The following TBC1D9B variants were observed in gnomAD, a reference collection of about 807,000 sequenced individuals.
TBC1D9B encodes TBC1 domain family member 9B.
In TBC1D9B, 87 loss-of-function variants were observed where a neutral mutation model predicts 121.1. That is an observed-to-expected ratio of 0.72 (90% CI 0.60 to 0.86). The LOEUF (loss-of-function observed/expected upper bound fraction) is 0.86. Ranked by LOEUF, TBC1D9B falls within the 40% of genes least tolerant of loss-of-function variation. The pLI is 0.00. For missense variants in TBC1D9B, 1,540 were observed against 1,628.6 expected, an observed-to-expected ratio of 0.95 and a Z score of 0.94; for synonymous variants, 668 against 670.1, an observed-to-expected ratio of 1.00 and a Z score of 0.05.
chr5:179,882,505 T>C lies in TBC1D9B; in HGVS notation c.1255-2716A>G, dbSNP rs181891761. ...TGTTCTTTACAGCCTATGGTCTTTA[T>C]ACCTGAACGTCAGTTTGGCTGGGTA... On this transcript the variant is annotated intron_variant, in intron 7 of 20. Transcript: ENST00000355235. 2.0e-4 allele frequency among the ~76,000 whole-genome samples: 31 copies of C among 152,334 alleles called. 1 individual carries two copies. In the East Asian group the frequency reaches 5.2e-3, roughly 26 times the overall value.
intron 15 of TBC1D9B, among the ~76,000 whole-genome samples, chr5:179,871,074 T>C (rs1226707214): frequency 2.0e-5 from 3 of 152,138 alleles, no homozygotes; most frequent in Non-Finnish European, 2.9e-5. Flanking sequence ...AGTCCTGGCA[T>C]GGTGTAGGAA....
At chr5:179,899,064 A>C (rs1761096999) in intron 3 of TBC1D9B, 125 bp downstream of exon 3, 1 of 734,568 alleles carries the variant, frequency 1.4e-6, no homozygotes, top group Non-Finnish European at 2.2e-6. Flanking sequence ...AGGAGCGCTG[A>C]CACTTCAGTC....
At chr5:179,901,062 C>T (rs1237289168) in intron 2 of TBC1D9B, among the ~76,000 whole-genome samples, 1 of 152,140 alleles carries the variant, frequency 6.6e-6, no homozygotes, top group Non-Finnish European at 1.5e-5. Context: ...CAAATCTCCT[C>T]AAGCAGACCC....
At position 179,870,408 on chromosome 5, in the gene TBC1D9B, G is replaced by A. The variant is rs144588026; in HGVS notation, c.2572C>T (p.Arg858Trp). ...TCCCGGAACTGGCTGGCATCAATCC[G>A]GTACTGCTCCAGGTAGGGCAGGCTG... Reference protein sequence around the residue: ...DPSLPYLEQYRIDASQFRELF... With the variant: ...DPSLPYLEQYWIDASQFRELF... The change falls in exon 16 of 21, where the codon CGG (arginine) becomes TGG (tryptophan). Residue 858 changes from arginine to tryptophan, a missense_variant. By Grantham distance (101) the Arg-to-Trp change is moderately radical. Coordinates refer to ENST00000355235, the MANE Select transcript of TBC1D9B (RefSeq NM_015043.4). The A allele has an allele frequency of 1.5e-5, 25 of 1,613,576 alleles. No individual in the cohort carries two copies. Among genetic ancestry groups the A allele is most frequent in the South Asian group, 1.5e-4 (14 of 91,090 alleles).
At position 179,890,109 on chromosome 5, in the gene TBC1D9B, G is replaced by A. The variant is rs1475997504; in HGVS notation, c.1044+1270C>T. On this transcript the variant is annotated intron_variant, in intron 6 of 20. Transcript: ENST00000355235. This position sits in a 1 kb window ranked among gnomAD's most constrained non-coding sequence, Gnocchi z 5.0. ...CACTTCCCGAGGGAAGCATGGAAGC[G>A]GGTGGTTGGGAGTGAAATTCAAGAG... 6.6e-6 allele frequency among the ~76,000 whole-genome samples: 1 copy of A among 152,142 alleles called. No individual in the cohort carries two copies.
intron 18 of TBC1D9B, chr5:179,866,587 G>C (rs1316022710): frequency 6.6e-6 from 1 of 152,406 alleles, no homozygotes; most frequent in Admixed American, 6.5e-5. Context: ...AACTCACCCT[G>C]GAATGGAGGC....
rs1198275423 is a variant in TBC1D9B at position 179,907,888 on chromosome 5, A to C, written c.-67T>G. 1.1e-6 allele frequency: 1 copy of C among 914,074 alleles called. No homozygotes were observed. Among genetic ancestry groups the C allele is most frequent in the Non-Finnish European group, 1.3e-6 (1 of 768,814 alleles). 56.6% of individuals were successfully genotyped at this position (914,074 alleles called of 1,614,324 possible). On this transcript the variant is annotated 5_prime_UTR_variant, in exon 1 of 21. Transcript: ENST00000355235. This position sits in a 1 kb window ranked among gnomAD's most constrained non-coding sequence, Gnocchi z 5.3. ...GCGCCCGCCGCCGTCGGCGTCCCGGAGCGGAGCGTGCGGAGCGGAGCGTGC... is the reference window on the plus strand; with the variant it reads ...GCGCCCGCCGCCGTCGGCGTCCCGGCGCGGAGCGTGCGGAGCGGAGCGTGC...
At chr5:179,897,405 T>G (rs1165294026) in intron 3 of TBC1D9B, among the ~76,000 whole-genome samples, 1 of 151,032 alleles carries the variant, frequency 6.6e-6, no homozygotes, top group Non-Finnish European at 1.5e-5. Context: ...CTCTGCCTCC[T>G]AAGTCCAAGT....
Position 179,899,286 on chromosome 5 carries a change from G to A in TBC1D9B, c.251C>T (p.Thr84Ile). ...VACGSSRKEI[T>I]KHWEWLENNL... Reference sequence around the variant, plus strand: ...ATTTTCCAGCCATTCCCAGTGTTTTGTGATCTCTTTGCGGGAAGAACCTAG... The same window carrying A: ...ATTTTCCAGCCATTCCCAGTGTTTTATGATCTCTTTGCGGGAAGAACCTAG... The change falls in exon 3 of 21, where the codon ACA becomes ATA. Residue 84 changes from threonine (T) to isoleucine (I), a missense_variant. Thr to Ile is a moderately conservative substitution (Grantham distance 89). Coordinates refer to ENST00000355235, the MANE Select transcript of TBC1D9B (RefSeq NM_015043.4). The A allele has an allele frequency of 6.2e-7, 1 of 1,613,810 alleles. No individual in the cohort carries two copies. Among genetic ancestry groups the A allele is most frequent in the Non-Finnish European group, 8.5e-7 (1 of 1,179,930 alleles).
At chr5:179,892,174 C>T (rs539175614) in intron 5 of TBC1D9B, among the ~76,000 whole-genome samples, 10 of 152,358 alleles carry the variant, frequency 6.6e-5, no homozygotes, top group African/African-American at 2.4e-4. Flanking sequence ...AAGGGAGCCT[C>T]CTGCCTGCCC....
Position 179,902,522 on chromosome 5 carries a change from C to T in TBC1D9B, c.229+2180G>A, listed in dbSNP as rs1761192540. Among the ~76,000 whole-genome samples the T allele has an allele frequency of 6.6e-6, 1 of 152,196 alleles. No individual in the cohort carries two copies. Among genetic ancestry groups the T allele is most frequent in the Non-Finnish European group, 1.5e-5 (1 of 68,026 alleles). ...CCAGGGCCAGTGCAGGGCTTTGGGC[C>T]TGGCAGGAGGGGAGAGGTCAAGTGT... On this transcript the variant is annotated intron_variant, in intron 2 of 20. Coordinates refer to ENST00000355235, the MANE Select transcript of TBC1D9B (RefSeq NM_015043.4). This position sits in a 1 kb window ranked among gnomAD's most constrained non-coding sequence, Gnocchi z 4.9.
In TBC1D9B at chr5:179,906,551, G is replaced by T. The variant is rs548155597; in HGVS notation, c.118+1153C>A. 3.2e-4 allele frequency among the ~76,000 whole-genome samples: 49 copies of T among 152,194 alleles called. 1 individual carries two copies. The highest frequency in any genetic ancestry group is 3.1e-4 in the Non-Finnish European group (21 of 68,046). ...GCGGAAGAAAAGGTGCCGGTCCCTC[G>T]CTTTCTTCATCGGGCTTGCAGTAGC... On this transcript the variant is annotated intron_variant, in intron 1 of 20. Transcript: ENST00000355235.
rs751534234 is a variant in TBC1D9B at position 179,875,208 on chromosome 5, G to A, written c.1901-21C>T. The A allele has an allele frequency of 1.5e-4, 234 of 1,607,690 alleles. 2 individuals are homozygous for A. In the South Asian group the frequency reaches 2.4e-3, roughly 17 times the overall value. On this transcript the variant is annotated intron_variant, in intron 11 of 20. Coordinates refer to ENST00000355235, the MANE Select transcript of TBC1D9B (RefSeq NM_015043.4). The surrounding 1 kb of genome is among the most constrained non-coding windows in gnomAD (Gnocchi z 4.5). The stretch of plus-strand genomic sequence containing the variant: ...GGCTCCTGCGGGCAGGATGAGCGAG[G>A]CTGATGGTGAGCCCACCCTGTGGCC...
chr5:179,868,683 T>C (rs967934740), intron 17 of TBC1D9B: 4 of 152,290 alleles, frequency 2.6e-5, no homozygotes, highest in African/African-American at 4.8e-5. Context: ...GGCCGCGTTG[T>C]GCGTGCTGGC....
At chr5:179,869,247 C>T (rs1760111296) in intron 17 of TBC1D9B, 1 of 267,614 alleles carries the variant, frequency 3.7e-6, no homozygotes, top group African/African-American at 2.2e-5. Context: ...ATGACCCCTC[C>T]TTGGAGCATT....
In TBC1D9B at chr5:179,874,267, G is replaced by A. The variant is rs1205969124; in HGVS notation, c.2186+635C>T. On this transcript the variant is annotated intron_variant, in intron 12 of 20. Transcript: ENST00000355235. The surrounding 1 kb of genome is among the most constrained non-coding windows in gnomAD (Gnocchi z 4.3). ...CCAGGTCTGATCAGAGTCATGGGAT[G>A]CAGGCAGGTCAAAGACTGAGAGGGG... 6.6e-6 allele frequency among the ~76,000 whole-genome samples: 1 copy of A among 152,110 alleles called. No homozygotes were observed. Among genetic ancestry groups the A allele is most frequent in the East Asian group, 1.9e-4 (1 of 5,162 alleles).
chr5:179,880,930 C>A (rs10070019), intron 7 of TBC1D9B, among the ~76,000 whole-genome samples: 6 of 152,294 alleles, frequency 3.9e-5, no homozygotes, highest in Admixed American at 1.3e-4. Flanking sequence ...TGAGCTCCCC[C>A]AGAGGGACCG....
At chr5:179,886,500 C>G (rs183604803) in intron 7 of TBC1D9B, among the ~76,000 whole-genome samples, 3 of 152,206 alleles carry the variant, frequency 2.0e-5, no homozygotes, top group African/African-American at 7.2e-5. Flanking sequence ...TTCTTGAAAT[C>G]CCAGATGAAG....
chr5:179,874,776 C>A lies in TBC1D9B; in HGVS notation c.2186+126G>T. The A allele has an allele frequency of 7.1e-7, 1 of 1,399,462 alleles. No individual in the cohort carries two copies. Among genetic ancestry groups the A allele is most frequent in the East Asian group, 2.4e-5 (1 of 41,764 alleles). The allele number at this position is 1,399,462 out of a possible 1,614,324, so 86.7% of individuals were successfully genotyped here. On this transcript the variant is annotated intron_variant, in intron 12 of 20. Transcript: ENST00000355235. The surrounding 1 kb of genome is among the most constrained non-coding windows in gnomAD (Gnocchi z 4.3). ...GGAGCCGCCTCCTGACCCCAGAGCA[C>A]CCCCGGGTCCAGCTGCAGCCTGGCA...
Sources: gnomAD v4.1 joint callset for allele counts (sites outside exome capture counted in the v4.1 genomes callset) on GRCh38, gnomAD v4.1.1 for gene constraint, Gnocchi (gnomAD v3.1) non-coding constraint, MANE v1.5 for transcripts, NCBI Gene and HGNC (gene_info 2026-07-23, HGNC 2026-07-21) for gene names.